HTN1: variants seen among roughly 807,000 people sequenced by gnomAD.
HTN1 encodes the protein histatin 1.
HTN1 carries 18 observed loss-of-function variants against 11.2 expected under a neutral mutation model. That is an observed-to-expected ratio of 1.61 (90% CI 1.12 to 2.39). The LOEUF (loss-of-function observed/expected upper bound fraction) is 2.39. HTN1 is among the 30% of genes most tolerant of loss of function. The pLI is 0.00. For missense variants in HTN1, 80 were observed against 67.2 expected (o/e 1.19, Z -0.67); for synonymous variants, 21 against 20.5 (o/e 1.02, Z -0.07).
chr4:70,053,183 T>G, intron 2 of HTN1, 56 bp downstream of exon 2: 1 of 1,148,280 alleles, frequency 8.7e-7, no homozygotes, highest in Non-Finnish European at 1.3e-6. Context: ...CCCAAGTGTC[T>G]CTCTTATTCC....
Position 70,053,229 on chromosome 4 carries a change from C to T in HTN1, c.51+102C>T, listed in dbSNP as rs142762598. On this transcript the variant is annotated intron_variant, in intron 2 of 5. Coordinates refer to ENST00000246896, the MANE Select transcript of HTN1 (RefSeq NM_002159.4). ...GTATATACTCATGTTGACCTCAATA[C>T]AGCTTTATAAGCTTTAATATTTCCC... The T allele has an allele frequency of 3.9e-4, 281 of 713,034 alleles. No individual in the cohort carries two copies. In the East Asian group the frequency reaches 7.2e-3, roughly 18 times the overall value. 44.2% of individuals were successfully genotyped at this position (713,034 alleles called of 1,614,324 possible). A position where few individuals can be genotyped will look rare whatever the true frequency, so the allele number is the denominator to read the frequency against.
chr4:70,052,640 G>T (rs948403819), intron 1 of HTN1, among the ~76,000 whole-genome samples: 2 of 151,922 alleles, frequency 1.3e-5, no homozygotes, highest in Non-Finnish European at 2.9e-5. Context: ...TTCCAAATCA[G>T]AGCACTCACC....
At chr4:70,053,165 G>A (rs775600308) in intron 2 of HTN1, 38 bp downstream of exon 2, 12 of 1,315,548 alleles carry the variant, frequency 9.1e-6, no homozygotes, top group South Asian at 1.2e-5. Context: ...TACATTCTCA[G>A]TACTTATCCC....
intron 1 of HTN1, among the ~76,000 whole-genome samples, chr4:70,050,899 A>G (rs927996898): frequency 1.3e-5 from 2 of 152,182 alleles, no homozygotes; most frequent in African/African-American, 2.4e-5. Context: ...CCCCGCATGC[A>G]TTAGTTATTT....
chr4:70,057,453 C>G (rs542941003), intron 5 of HTN1: 2 of 152,200 alleles, frequency 1.3e-5, no homozygotes, highest in African/African-American at 4.8e-5. Flanking sequence ...ACACATATAC[C>G]TATGTAACAG....
intron 2 of HTN1, among the ~76,000 whole-genome samples, 193 bp downstream of exon 2, chr4:70,053,320 A>T (rs1037101141): frequency 6.6e-6 from 1 of 152,188 alleles, no homozygotes; most frequent in Non-Finnish European, 1.5e-5. Flanking sequence ...TATTCATCAC[A>T]TACCTACAAA....
chr4:70,057,936 A>G (rs1726084166), intron 5 of HTN1: 1 of 152,220 alleles, frequency 6.6e-6, no homozygotes, highest in Non-Finnish European at 1.5e-5. Context: ...TAACATCAAC[A>G]AGGAGATGGG....
chr4:70,058,204 G>C (rs1202114374), intron 5 of HTN1: 1 of 152,064 alleles, frequency 6.6e-6, no homozygotes, highest in African/African-American at 2.4e-5. Context: ...ATCAGAAAAA[G>C]CCTGATCTTT....
rs529955459 is a variant in HTN1, at chr4:70,054,356, A to T, written c.72+14A>T. The T allele has an allele frequency of 1.9e-6, 3 of 1,544,716 alleles. No individual in the cohort carries two copies. Among genetic ancestry groups the T allele is most frequent in the East Asian group, 4.6e-5 (2 of 43,730 alleles). ...TCACATGAAAAGGTAAGACATTTTCATTTACGGGAAAACTTGATAAATAAA... is the reference window on the plus strand; with the variant it reads ...TCACATGAAAAGGTAAGACATTTTCTTTTACGGGAAAACTTGATAAATAAA... On this transcript the variant is annotated intron_variant, in intron 3 of 5. Coordinates refer to ENST00000246896, the MANE Select transcript of HTN1 (RefSeq NM_002159.4).
rs749505152 is a variant in HTN1 at position 70,058,738 on chromosome 4, ATC to A, written c.*193_*194del. The A allele has an allele frequency of 2.6e-5, 4 of 152,254 alleles. No homozygotes were observed. The highest frequency in any genetic ancestry group is 7.2e-5 in the African/African-American group (3 of 41,554). 9.4% of individuals were successfully genotyped at this position (152,254 alleles called of 1,614,324 possible). On this transcript the variant is annotated 3_prime_UTR_variant, in exon 6 of 6. Coordinates refer to ENST00000246896, the MANE Select transcript of HTN1 (RefSeq NM_002159.4). The stretch of plus-strand genomic sequence containing the variant: ...TTTCATGATACTTCCCTTCCTAATT[ATC>A]ATTTGATTAGATACTTGCAATTTAA...
chr4:70,056,727 G>A (rs574013637), intron 5 of HTN1: 1 of 151,634 alleles, frequency 6.6e-6, no homozygotes, highest in East Asian at 2.0e-4. Flanking sequence ...GTGGGCAAAG[G>A]ACATGAACAG....
intron 2 of HTN1, among the ~76,000 whole-genome samples, 193 bp downstream of exon 2, chr4:70,053,320 A>G (rs1037101141): frequency 6.6e-6 from 1 of 152,188 alleles, no homozygotes; most frequent in African/African-American, 2.4e-5. Flanking sequence ...TATTCATCAC[A>G]TACCTACAAA....
At chr4:70,053,347 C>G (rs72501260) in intron 2 of HTN1, among the ~76,000 whole-genome samples, 1 of 152,068 alleles carries the variant, frequency 6.6e-6, no homozygotes, top group East Asian at 1.9e-4. Flanking sequence ...AGTACAATTA[C>G]TTGAATGTAA....
intron 2 of HTN1, 23 bp downstream of exon 2, chr4:70,053,150 A>G (rs1466782143): frequency 6.7e-7 from 1 of 1,485,306 alleles, no homozygotes; most frequent in East Asian, 2.3e-5. Context: ...GGAAATTTTA[A>G]ATACTACATT....
At chr4:70,055,805 T>C (rs1726024772) in intron 5 of HTN1, 1 of 410,672 alleles carries the variant, frequency 2.4e-6, no homozygotes, top group Non-Finnish European at 4.4e-6. Flanking sequence ...TTGGTCTGTA[T>C]GTTGTTTTGG....
intron 2 of HTN1, among the ~76,000 whole-genome samples, chr4:70,053,548 T>C (rs1221433442): frequency 1.3e-5 from 2 of 152,156 alleles, no homozygotes; most frequent in African/African-American, 2.4e-5. Context: ...CACAACCTAC[T>C]CTTAAAGTCA....
In HTN1 at chr4:70,053,103, C is replaced by A; in HGVS notation, c.27C>A (p.Val9=). 1 of 1,609,690 alleles carries A rather than the reference C, an allele frequency of 6.2e-7. No homozygotes were observed. The highest frequency in any genetic ancestry group is 8.5e-7 in the Non-Finnish European group (1 of 1,176,288). The change falls in exon 2 of 6, where the codon GTC becomes GTA. Residue 9 remains valine, a synonymous_variant. Coordinates refer to ENST00000246896, the MANE Select transcript of HTN1 (RefSeq NM_002159.4). MKFFVFAL[V]LALMISMISA... The stretch of plus-strand genomic sequence containing the variant: ...TGAAGTTTTTTGTCTTTGCTTTAGT[C>A]TTGGCTCTCATGATTTCCATGATTG...
chr4:70,052,821 C>G, intron 1 of HTN1: 1 of 315,076 alleles, frequency 3.2e-6, no homozygotes, highest in South Asian at 9.4e-5. Context: ...AGAAAAAATT[C>G]GCTGGGCATG....
rs1480301720 is a variant in HTN1 at position 70,058,573 on chromosome 4, T to C, written c.*34-7T>C. The C allele has an allele frequency of 6.6e-6, 1 of 152,166 alleles. No individual in the cohort carries two copies. Among genetic ancestry groups the C allele is most frequent in the African/African-American group, 2.4e-5 (1 of 41,452 alleles). The allele number at this position is 152,166 out of a possible 1,614,324, so 9.4% of individuals were successfully genotyped here. A position where few individuals can be genotyped will look rare whatever the true frequency, so the allele number is the denominator to read the frequency against. On this transcript the variant is annotated splice_region_variant and splice_polypyrimidine_tract_variant and intron_variant, in intron 5 of 5. Transcript: ENST00000246896. ...AAGATAAAGTGTTATTTTCTTTTTC[T>C]TCACAGGTTTGACTGGCAAATTCAC...
Sources: gnomAD v4.1 joint callset for allele counts (sites outside exome capture counted in the v4.1 genomes callset) on GRCh38, gnomAD v4.1.1 for gene constraint, MANE v1.5 for transcripts, NCBI Gene and HGNC (gene_info 2026-07-23, HGNC 2026-07-21) for gene names.